Variants in TACR3 observed in about 807,000 individuals in gnomAD.
TACR3 encodes the protein neuromedin-K receptor.
In TACR3, 34 loss-of-function variants were observed where a neutral mutation model predicts 35.0. The observed-to-expected ratio is 0.97, with a 90% CI of 0.74 to 1.30. TACR3 has a LOEUF of 1.30. Ranked by LOEUF, TACR3 falls within the 50% of genes most tolerant of loss-of-function variation. The probability of loss-of-function intolerance (pLI) is 0.00; values close to 1 mark genes in which losing one functional copy is unlikely to be tolerated. For missense variants in TACR3, 558 were observed against 591.7 expected (o/e 0.94, Z 0.59); for synonymous variants, 233 against 221.1 (o/e 1.05, Z -0.48).
chr4:103,682,700 A>G (rs1722127098), intron 1 of TACR3, among the ~76,000 whole-genome samples: 1 of 152,096 alleles, frequency 6.6e-6, no homozygotes, highest in South Asian at 2.1e-4. Context: ...ACAGTTTCTG[A>G]GTCAGTAATG....
At chr4:103,691,420 A>C (rs139784805) in intron 1 of TACR3, among the ~76,000 whole-genome samples, 1 of 152,322 alleles carries the variant, frequency 6.6e-6, no homozygotes, top group Non-Finnish European at 1.5e-5. Context: ...GGTAGCAGGT[A>C]GATCAGTTAT....
intron 1 of TACR3, among the ~76,000 whole-genome samples, chr4:103,673,743 A>C (rs1455516402): frequency 1.3e-5 from 2 of 152,226 alleles, no homozygotes; most frequent in African/African-American, 4.8e-5. Flanking sequence ...TAAAAAGCAC[A>C]ATATCTGCAA....
At chr4:103,644,405 T>G (rs1485348322) in intron 3 of TACR3, among the ~76,000 whole-genome samples, 1 of 151,896 alleles carries the variant, frequency 6.6e-6, no homozygotes, top group African/African-American at 2.4e-5. Context: ...AAGCAAAAGC[T>G]TTTAAAGAAC....
At chr4:103,647,255 G>A (rs1725483634) in intron 3 of TACR3, among the ~76,000 whole-genome samples, 1 of 151,854 alleles carries the variant, frequency 6.6e-6, no homozygotes, top group Non-Finnish European at 1.5e-5. Flanking sequence ...TAAACAGATA[G>A]TTTCAATAAT....
At chr4:103,609,983 C>A (rs547573847) in intron 3 of TACR3, among the ~76,000 whole-genome samples, 4 of 151,740 alleles carry the variant, frequency 2.6e-5, no homozygotes, top group Non-Finnish European at 2.9e-5. Context: ...CATTGTATTG[C>A]GTATATAACC....
chr4:103,629,482 C>A (rs1296844105), intron 3 of TACR3, among the ~76,000 whole-genome samples: 1 of 152,164 alleles, frequency 6.6e-6, no homozygotes, highest in African/African-American at 2.4e-5. Flanking sequence ...CACAAGCATT[C>A]TTATACACCA....
chr4:103,650,305 A>G (rs1379226989), intron 3 of TACR3, among the ~76,000 whole-genome samples: 1 of 151,880 alleles, frequency 6.6e-6, no homozygotes, highest in African/African-American at 2.4e-5. Flanking sequence ...CAAACACAGC[A>G]CTGGGGTTCA....
At chr4:103,634,309 C>G (rs1400780394) in intron 3 of TACR3, among the ~76,000 whole-genome samples, 1 of 151,972 alleles carries the variant, frequency 6.6e-6, no homozygotes, top group Non-Finnish European at 1.5e-5. Context: ...TAAACAGAAG[C>G]CAATAGTTCT....
At chr4:103,708,924 A>G (rs1722867206) in intron 1 of TACR3, among the ~76,000 whole-genome samples, 1 of 152,236 alleles carries the variant, frequency 6.6e-6, no homozygotes, top group Non-Finnish European at 1.5e-5. Context: ...AGATCAAATT[A>G]ATGAAATGAA....
intron 1 of TACR3, among the ~76,000 whole-genome samples, chr4:103,680,207 C>A (rs1726261186): frequency 6.6e-6 from 1 of 151,244 alleles, no homozygotes; most frequent in African/African-American, 2.4e-5. Flanking sequence ...ATAAAAAAAG[C>A]CCATATGAGC....
intron 1 of TACR3, among the ~76,000 whole-genome samples, chr4:103,684,001 C>G (rs1243527351): frequency 6.6e-6 from 1 of 151,750 alleles, no homozygotes; most frequent in African/African-American, 2.4e-5. Context: ...TAATTGATAA[C>G]AGAAAAAAAA....
At chr4:103,712,721 C>T (rs1203781952) in intron 1 of TACR3, among the ~76,000 whole-genome samples, 2 of 152,122 alleles carry the variant, frequency 1.3e-5, no homozygotes, top group African/African-American at 4.8e-5. Context: ...TTGCAATCTA[C>T]TCATCTGACA....
chr4:103,620,215 G>T (rs1448588728), intron 3 of TACR3, among the ~76,000 whole-genome samples: 1 of 152,162 alleles, frequency 6.6e-6, no homozygotes, highest in African/African-American at 2.4e-5. Context: ...ACACCAGTCA[G>T]AATGGCTTTT....
chr4:103,716,215 T>TTGTGTGTG lies in TACR3; in HGVS notation c.548+2905_548+2912dup, dbSNP rs56790385. 4.6e-4 allele frequency among the ~76,000 whole-genome samples: 66 copies of TTGTGTGTG among 143,322 alleles called. 1 individual carries two copies. In the East Asian group the frequency reaches 4.8e-3, roughly 10 times the overall value. 94.0% of individuals were successfully genotyped at this position (143,322 alleles called of 152,430 possible). On this transcript the variant is annotated intron_variant, in intron 1 of 4. Transcript: ENST00000304883. ...CTCTTCACTGACAAATAATTTTATCTTGTGTGTGTGTGTGTGTGTGTGTGT... is the reference window on the plus strand; with the variant it reads ...CTCTTCACTGACAAATAATTTTATCTTGTGTGTGTGTGTGTGTGTGTGTGTGTGTGTGT...
At chr4:103,608,330 C>G (rs911900288) in intron 3 of TACR3, among the ~76,000 whole-genome samples, 2 of 152,100 alleles carry the variant, frequency 1.3e-5, no homozygotes, top group African/African-American at 4.8e-5. Flanking sequence ...ACCACTTGTT[C>G]TCACTTATAA....
intron 3 of TACR3, among the ~76,000 whole-genome samples, chr4:103,636,522 T>A (rs1725195702): frequency 6.6e-6 from 1 of 151,942 alleles, no homozygotes; most frequent in African/African-American, 2.4e-5. Context: ...AATAATACAA[T>A]AATACAATTC....
At chr4:103,604,266 C>T (rs937481210) in intron 3 of TACR3, among the ~76,000 whole-genome samples, 3 of 152,126 alleles carry the variant, frequency 2.0e-5, no homozygotes, top group Admixed American at 6.6e-5. Context: ...CTTTGACAAA[C>T]CTGACAAAAA....
At chr4:103,609,231 C>G (rs1222541426) in intron 3 of TACR3, among the ~76,000 whole-genome samples, 1 of 152,076 alleles carries the variant, frequency 6.6e-6, no homozygotes, top group Non-Finnish European at 1.5e-5. Flanking sequence ...TCACTGCATT[C>G]TATTTCAACA....
chr4:103,670,851 T>C (rs749432439), intron 1 of TACR3, among the ~76,000 whole-genome samples: 3 of 152,066 alleles, frequency 2.0e-5, no homozygotes, highest in Admixed American at 6.6e-5. Context: ...CAGTACTATG[T>C]TGAATAAAAA....
Sources: allele counts gnomAD v4.1 joint callset (sites outside exome capture counted in the v4.1 genomes callset), GRCh38; gene constraint gnomAD v4.1.1; transcripts MANE v1.5; gene names NCBI Gene and HGNC (gene_info 2026-07-23, HGNC 2026-07-21).